Variants in DPP6 observed in about 807,000 individuals in gnomAD.
The protein encoded by DPP6 is dipeptidyl peptidase like 6, also known as A-type potassium channel modulatory protein DPP6.
A neutral mutation model predicts 122.6 loss-of-function variants in DPP6; 69 were observed. That is an observed-to-expected ratio of 0.56 (90% CI 0.46 to 0.69). The LOEUF (loss-of-function observed/expected upper bound fraction) is 0.69. Among genes scored for constraint, DPP6 ranks in the 30% least tolerant of loss-of-function variants. The pLI, the probability that DPP6 is intolerant of heterozygous loss-of-function variation, is 0.00. For missense variants in DPP6, 928 were observed against 1,116.9 expected, an observed-to-expected ratio of 0.83 and a Z score of 2.41; for synonymous variants, 418 against 433.1, an observed-to-expected ratio of 0.97 and a Z score of 0.43.
Position 154,769,548 on chromosome 7 carries a change from G to T in DPP6, c.1015G>T (p.Val339Leu), listed in dbSNP as rs144100618. 5.1e-4 allele frequency: 827 copies of T among 1,609,874 alleles called. 2 individuals carry two copies. The African/African-American group carries it at 9.8e-3, about 19-fold the overall frequency. ...TTACACCGGCTCCATCTACCCCACCGTGAAGCCCTACCACTATCCCAAGGT... is the reference window on the plus strand; with the variant it reads ...TTACACCGGCTCCATCTACCCCACCTTGAAGCCCTACCACTATCCCAAGGT... Reference protein sequence around the residue: ...PTYTGSIYPTVKPYHYPKAGS... With the variant: ...PTYTGSIYPTLKPYHYPKAGS... Residue 339 changes from valine (V) to leucine (L), a missense_variant, in exon 9 of 26, where the codon GTG (valine) becomes TTG (leucine). By Grantham distance (32) the Val-to-Leu change is conservative. Coordinates refer to ENST00000377770, the MANE Select transcript of DPP6 (RefSeq NM_130797.4).
chr7:154,720,892 A>G (rs73167037), intron 7 of DPP6, among the ~76,000 whole-genome samples: 4 of 152,320 alleles, frequency 2.6e-5, no homozygotes, highest in Non-Finnish European at 5.9e-5. Flanking sequence ...GCTGACGACA[A>G]AACTCCCAGC....
intron 1 of DPP6, among the ~76,000 whole-genome samples, chr7:154,299,049 G>A (rs1441080491): frequency 6.6e-6 from 1 of 152,222 alleles, no homozygotes; most frequent in Non-Finnish European, 1.5e-5. Flanking sequence ...TGCAAGCTGA[G>A]GAGAATTGAA....
At chr7:154,082,513 A>G (rs917740563) in intron 1 of DPP6, among the ~76,000 whole-genome samples, 1 of 151,910 alleles carries the variant, frequency 6.6e-6, no homozygotes, top group African/African-American at 2.4e-5. Context: ...TTTCAACAAC[A>G]CAATCATTTC....
At chr7:154,599,403 A>T (rs567876551) in intron 5 of DPP6, among the ~76,000 whole-genome samples, 8 of 152,262 alleles carry the variant, frequency 5.3e-5, no homozygotes, top group African/African-American at 1.9e-4. Flanking sequence ...TATGGAGAAA[A>T]CGTGGCTCAG....
intron 7 of DPP6, among the ~76,000 whole-genome samples, chr7:154,679,800 A>C (rs1000221126): frequency 4.6e-5 from 7 of 152,172 alleles, no homozygotes; most frequent in African/African-American, 1.7e-4. Flanking sequence ...TAGCCAAGAA[A>C]TTAATATCCC....
chr7:154,831,650 A>C (rs78216212), intron 16 of DPP6, among the ~76,000 whole-genome samples: 214 of 152,254 alleles, frequency 1.4e-3, no homozygotes, highest in African/African-American at 4.7e-3. Context: ...ATCCAGATAC[A>C]TTTTCCCATT....
At chr7:154,242,934 C>G (rs1325719172) in intron 1 of DPP6, among the ~76,000 whole-genome samples, 1 of 152,200 alleles carries the variant, frequency 6.6e-6, no homozygotes, top group East Asian at 1.9e-4. Context: ...AGCTCCAGCT[C>G]AGCCAGAATG....
chr7:154,581,352 C>CA (rs745871314), intron 5 of DPP6, among the ~76,000 whole-genome samples: 4 of 152,016 alleles, frequency 2.6e-5, no homozygotes, highest in Non-Finnish European at 5.9e-5. Context: ...ACAGAGGGGA[C>CA]AGGAAGAAGG....
intron 8 of DPP6, among the ~76,000 whole-genome samples, chr7:154,745,230 G>A (rs1378335713): frequency 6.6e-6 from 1 of 152,160 alleles, no homozygotes; most frequent in African/African-American, 2.4e-5. Flanking sequence ...CCTCATCCTG[G>A]AGGTCTCCAT....
Position 154,867,175 on chromosome 7 carries a change from T to C in DPP6, c.1715-820T>C, listed in dbSNP as rs545450943. 1.2e-4 allele frequency among the ~76,000 whole-genome samples: 18 copies of C among 152,296 alleles called. 1 individual carries two copies. In the Middle Eastern group the frequency reaches 0.017, roughly 144 times the overall value. On this transcript the variant is annotated intron_variant, in intron 17 of 25. Transcript: ENST00000377770. ...CAATGAACCACAAGTTATCCCCATG[T>C]GTAGGCTTAGTGTGAGAAGGGAGAA... is the stretch of plus-strand genomic sequence containing the variant.
intron 8 of DPP6, among the ~76,000 whole-genome samples, chr7:154,739,242 G>T (rs1485008721): frequency 6.6e-6 from 1 of 152,186 alleles, no homozygotes; most frequent in Non-Finnish European, 1.5e-5. Context: ...GACATGTCTG[G>T]GAGGCAGGAC....
At chr7:154,070,568 T>C (rs1234907175) in intron 1 of DPP6, among the ~76,000 whole-genome samples, 1 of 152,168 alleles carries the variant, frequency 6.6e-6, no homozygotes, top group Non-Finnish European at 1.5e-5. Flanking sequence ...TATATTTGCT[T>C]CTCTAAGATT....
In DPP6 at chr7:154,618,914, C is replaced by A. The variant is rs893251062; in HGVS notation, c.628-18907C>A. ...TGAATTGTAGCTCCCATTATCCCTACATGTTGTAGGAGGGACCTGGTAGGA... is the reference window on the plus strand; with the variant it reads ...TGAATTGTAGCTCCCATTATCCCTAAATGTTGTAGGAGGGACCTGGTAGGA... On this transcript the variant is annotated intron_variant, in intron 5 of 25. Transcript: ENST00000377770. This position sits in a 1 kb window ranked among gnomAD's most constrained non-coding sequence, Gnocchi z 4.1. 5.3e-5 allele frequency among the ~76,000 whole-genome samples: 8 copies of A among 152,190 alleles called. No homozygotes were observed. Among genetic ancestry groups the A allele is most frequent in the Admixed American group, 5.2e-4 (8 of 15,274 alleles).
chr7:154,023,164 C>A lies in DPP6; in HGVS notation c.51+135430C>A, dbSNP rs1257318454. Among the ~76,000 whole-genome samples the A allele has an allele frequency of 2.6e-5, 4 of 151,832 alleles. No individual in the cohort carries two copies. The South Asian group carries it at 6.2e-4, about 24-fold the overall frequency. ...GGACACCTTGTGAAGATTGCACGAACCCTGCCTGGGAAGTGACAAAGGTGC... is the reference window on the plus strand; with the variant it reads ...GGACACCTTGTGAAGATTGCACGAAACCTGCCTGGGAAGTGACAAAGGTGC... On this transcript the variant is annotated intron_variant, in intron 1 of 25. Transcript: ENST00000404039.
intron 1 of DPP6, among the ~76,000 whole-genome samples, chr7:154,128,272 A>G (rs1277442473): frequency 6.6e-6 from 1 of 152,008 alleles, no homozygotes; most frequent in Non-Finnish European, 1.5e-5. Flanking sequence ...CATTAAATCT[A>G]AAACAAAATT....
intron 3 of DPP6, among the ~76,000 whole-genome samples, chr7:154,527,712 A>G (rs1827516836): frequency 1.3e-5 from 2 of 152,270 alleles, no homozygotes; most frequent in Admixed American, 1.3e-4. Context: ...GGATTAATGT[A>G]CTCTTCAAAA....
the DPP6 span, among the ~76,000 whole-genome samples, chr7:153,815,202 A>G: frequency 6.6e-6 from 1 of 152,316 alleles, no homozygotes; most frequent in Non-Finnish European, 1.5e-5. Context: ...TCGTATATCT[A>G]GAAAACCCCA....
intron 7 of DPP6, among the ~76,000 whole-genome samples, chr7:154,701,533 A>G (rs1840528021): frequency 6.6e-6 from 1 of 152,238 alleles, no homozygotes; most frequent in Non-Finnish European, 1.5e-5. Context: ...AGGGTGATCC[A>G]GGCTGAGCCG....
intron 1 of DPP6, among the ~76,000 whole-genome samples, chr7:154,165,099 G>A (rs1797178130): frequency 6.7e-6 from 1 of 149,840 alleles, no homozygotes; most frequent in African/African-American, 2.5e-5. Flanking sequence ...CTGGTGCGCT[G>A]CACCCACTAA....
Sources: allele counts gnomAD v4.1 joint callset (sites outside exome capture counted in the v4.1 genomes callset), GRCh38; gene constraint gnomAD v4.1.1; non-coding constraint Gnocchi (gnomAD v3.1); transcripts MANE v1.5; gene names NCBI Gene and HGNC (gene_info 2026-07-23, HGNC 2026-07-21).